DPP10: variants seen among roughly 807,000 people sequenced by gnomAD.
The protein encoded by DPP10 is dipeptidyl peptidase like 10.
DPP10 carries 33 observed loss-of-function variants against 120.9 expected under a neutral mutation model. The ratio of observed to expected loss-of-function variants is 0.27; its 90% CI spans 0.21 to 0.37. The LOEUF (loss-of-function observed/expected upper bound fraction) is 0.37, where lower values mean the gene tolerates loss of function less well. Ranked by LOEUF, DPP10 falls within the 10% of genes least tolerant of loss-of-function variation. The pLI is 1.00. For missense variants in DPP10, 816 were observed against 942.8 expected (o/e 0.87, Z 1.76); for synonymous variants, 337 against 326.1 (o/e 1.03, Z -0.36).
intron 1 of DPP10, among the ~76,000 whole-genome samples, chr2:114,586,692 G>A (rs1054193687): frequency 6.6e-6 from 1 of 152,130 alleles, no homozygotes; most frequent in African/African-American, 2.4e-5. Flanking sequence ...TTGGAGGTGG[G>A]GCCTGGTGAG....
chr2:115,482,822 C>A (rs2075521656), intron 3 of DPP10, among the ~76,000 whole-genome samples: 1 of 152,026 alleles, frequency 6.6e-6, no homozygotes, highest in South Asian at 2.1e-4. Flanking sequence ...AGCCTTACTA[C>A]CTTAACATCT....
chr2:115,123,587 A>G (rs1444409224), intron 1 of DPP10, among the ~76,000 whole-genome samples: 3 of 152,086 alleles, frequency 2.0e-5, no homozygotes, highest in East Asian at 3.9e-4. Flanking sequence ...AAATCCTGAG[A>G]GCTTATCAGG....
intron 1 of DPP10, among the ~76,000 whole-genome samples, chr2:115,096,215 A>C (rs138324160): frequency 6.6e-6 from 1 of 152,296 alleles, no homozygotes; most frequent in Admixed American, 6.5e-5. Flanking sequence ...GTAGCCCTAA[A>C]GCAGACGTAA....
chr2:115,274,598 C>A (rs773741574), intron 1 of DPP10, among the ~76,000 whole-genome samples: 5 of 152,140 alleles, frequency 3.3e-5, no homozygotes, highest in Non-Finnish European at 7.3e-5. Flanking sequence ...TATTCATTGA[C>A]AACTATCCAT....
At chr2:114,462,936 A>G (rs956826066) in intron 1 of DPP10, among the ~76,000 whole-genome samples, 1 of 152,066 alleles carries the variant, frequency 6.6e-6, no homozygotes, top group African/African-American at 2.4e-5. Flanking sequence ...TACACCTATC[A>G]TTTTTGTTTT....
chr2:114,652,410 T>C (rs1696659081), intron 1 of DPP10, among the ~76,000 whole-genome samples: 1 of 152,210 alleles, frequency 6.6e-6, no homozygotes, highest in South Asian at 2.1e-4. Context: ...GCTGCCTTCA[T>C]TGAGAAGTAA....
At chr2:115,386,468 CATT>C (rs147657241) in intron 3 of DPP10, among the ~76,000 whole-genome samples, 6,224 of 152,196 alleles carry the variant, frequency 0.041, 201 homozygotes, top group East Asian at 0.17. Flanking sequence ...GCAAAACAAT[CATT>C]GTTGTGTAGG....
intron 3 of DPP10, among the ~76,000 whole-genome samples, chr2:115,380,414 C>T (rs983680148): frequency 2.6e-5 from 4 of 152,166 alleles, no homozygotes; most frequent in Non-Finnish European, 5.9e-5. Flanking sequence ...GGTAGATCTT[C>T]TTCCATCCTT....
intron 11 of DPP10, among the ~76,000 whole-genome samples, chr2:115,760,480 G>A (rs1046667177): frequency 6.6e-6 from 1 of 152,154 alleles, no homozygotes; most frequent in Non-Finnish European, 1.5e-5. Context: ...ATAACTTGAT[G>A]GGATAAACTT....
At chr2:115,396,078 G>A (rs2067658523) in intron 3 of DPP10, among the ~76,000 whole-genome samples, 1 of 151,954 alleles carries the variant, frequency 6.6e-6, no homozygotes, top group South Asian at 2.1e-4. Context: ...AAGTTGGCTG[G>A]GCCTGGTCTT....
At chr2:115,220,175 A>G (rs998581644) in intron 1 of DPP10, among the ~76,000 whole-genome samples, 3 of 151,978 alleles carry the variant, frequency 2.0e-5, no homozygotes, top group African/African-American at 7.3e-5. Flanking sequence ...ACTGTTCCAA[A>G]CCAGATTATC....
chr2:114,942,249 G>A (rs1179005731), intron 1 of DPP10, among the ~76,000 whole-genome samples: 1 of 141,382 alleles, frequency 7.1e-6, no homozygotes, highest in Non-Finnish European at 1.5e-5. Flanking sequence ...CTCCAGCCTG[G>A]GTGACAGGGA....
At chr2:115,221,262 T>C (rs1048935454) in intron 1 of DPP10, among the ~76,000 whole-genome samples, 3 of 152,126 alleles carry the variant, frequency 2.0e-5, no homozygotes, top group African/African-American at 7.2e-5. Flanking sequence ...TAAATCTAGG[T>C]GTACTTTAAA....
At chr2:115,584,821 G>GT (rs1436301518) in intron 5 of DPP10, among the ~76,000 whole-genome samples, 2 of 152,280 alleles carry the variant, frequency 1.3e-5, no homozygotes, top group African/African-American at 4.8e-5. Context: ...AAAGTGATGG[G>GT]TGTCATTTTG....
Position 114,672,417 on chromosome 2 carries a change from T to G in DPP10, c.60+229579T>G, listed in dbSNP as rs145877733. On this transcript the variant is annotated intron_variant, in intron 1 of 25. Transcript: ENST00000410059. ...ACAAAGAAGTGTTTGGGCAATAAAT[T>G]AGGTGGCAGTACTCTGCATGAGTGA... 2.6e-4 allele frequency among the ~76,000 whole-genome samples: 39 copies of G among 152,246 alleles called. 1 individual carries two copies. The East Asian group carries it at 7.0e-3, about 27-fold the overall frequency.
At chr2:115,700,132 A>T (rs886573470) in intron 7 of DPP10, among the ~76,000 whole-genome samples, 18 of 152,162 alleles carry the variant, frequency 1.2e-4, no homozygotes, top group Non-Finnish European at 1.9e-4. Context: ...ATCTTGTGAG[A>T]ACTCACTCAT....
At chr2:115,476,638 A>G (rs2075103209) in intron 3 of DPP10, among the ~76,000 whole-genome samples, 1 of 152,134 alleles carries the variant, frequency 6.6e-6, no homozygotes, top group Admixed American at 6.6e-5. Flanking sequence ...TAAGCAATTA[A>G]TGAGAAACCT....
chr2:114,915,062 C>T (rs928336172), intron 1 of DPP10, among the ~76,000 whole-genome samples: 8 of 151,742 alleles, frequency 5.3e-5, no homozygotes, highest in Admixed American at 6.6e-5. Context: ...ACCCGGGAGG[C>T]GGAGCTTGCA....
At chr2:114,850,415 A>G (rs1037260151) in intron 1 of DPP10, among the ~76,000 whole-genome samples, 1 of 152,192 alleles carries the variant, frequency 6.6e-6, no homozygotes, top group Non-Finnish European at 1.5e-5. Context: ...TCATGGAAAA[A>G]ATCCCTTGTA....
Sources: gnomAD v4.1 joint callset for allele counts (sites outside exome capture counted in the v4.1 genomes callset) on GRCh38, gnomAD v4.1.1 for gene constraint, MANE v1.5 for transcripts, NCBI Gene and HGNC (gene_info 2026-07-23, HGNC 2026-07-21) for gene names.